The following ZNF469 variants were observed in gnomAD, a reference collection of about 807,000 sequenced individuals.
The protein encoded by ZNF469 is zinc finger protein 469.
Under a neutral mutation model 1.0 loss-of-function variants are expected in ZNF469, and 1 was observed. That is an observed-to-expected ratio of 1.00 (90% CI 0.35 to 4.73). The LOEUF is 4.73. Among genes scored for constraint, ZNF469 ranks in the 30% most tolerant of loss-of-function variants. The probability of loss-of-function intolerance (pLI) is 0.16; values close to 1 mark genes in which losing one functional copy is unlikely to be tolerated. For synonymous variants in ZNF469, 2,703 were observed against 2,363.4 expected, an observed-to-expected ratio of 1.14 and a Z score of -4.17; for missense variants, 6,100 against 5,356.3, an observed-to-expected ratio of 1.14 and a Z score of -4.33.
chr16:88,362,856 C>T, the ZNF469 span, among the ~76,000 whole-genome samples: 1 of 152,128 alleles, frequency 6.6e-6, no homozygotes, highest in Non-Finnish European at 1.5e-5. Context: ...ACATAGCAGA[C>T]CTTTTGATAT....
rs1462112027 is a variant in ZNF469 at position 88,440,463 on chromosome 16, G to C, written c.*1131G>C. 1 of 152,040 alleles carries C rather than the reference G, an allele frequency of 6.6e-6. No homozygotes were observed. Among genetic ancestry groups the C allele is most frequent in the African/African-American group, 2.4e-5 (1 of 41,394 alleles). 9.4% of individuals were successfully genotyped at this position (152,040 alleles called of 1,614,324 possible). ...TCGTGCCTGTGAAGGTGGGTCAAAG[G>C]GTGAGAGGGCTTCCTTCTCACCCTT... On this transcript the variant is annotated 3_prime_UTR_variant, in exon 3 of 3. Coordinates refer to ENST00000565624, the MANE Select transcript of ZNF469 (RefSeq NM_001367624.2).
the ZNF469 span, among the ~76,000 whole-genome samples, chr16:88,338,382 G>A: frequency 1.4e-4 from 21 of 152,178 alleles, no homozygotes; most frequent in Non-Finnish European, 2.8e-4. Flanking sequence ...GGCCACCCCC[G>A]GCTCCTGACT....
the ZNF469 span, among the ~76,000 whole-genome samples, chr16:88,258,396 C>T: frequency 6.6e-6 from 1 of 152,014 alleles, no homozygotes; most frequent in South Asian, 2.1e-4. Context: ...CACAGCTCAG[C>T]AGAGCTGAAT....
At chr16:88,123,317 C>T in the ZNF469 span, among the ~76,000 whole-genome samples, 1 of 152,174 alleles carries the variant, frequency 6.6e-6, no homozygotes, top group African/African-American at 2.4e-5. Flanking sequence ...TTTATCCATG[C>T]AGTGTTGCCT....
chr16:88,225,303 A>T, the ZNF469 span, among the ~76,000 whole-genome samples: 2 of 152,222 alleles, frequency 1.3e-5, no homozygotes, highest in African/African-American at 4.8e-5. Flanking sequence ...ATTCTGGCTG[A>T]ATCCCTGCAT....
At chr16:88,321,906 A>G in the ZNF469 span, among the ~76,000 whole-genome samples, 1 of 152,216 alleles carries the variant, frequency 6.6e-6, no homozygotes, top group South Asian at 2.1e-4. Context: ...GGCAACACCC[A>G]GACAGGTGGG....
chr16:88,357,087 T>G, the ZNF469 span, among the ~76,000 whole-genome samples: 7 of 152,184 alleles, frequency 4.6e-5, no homozygotes, highest in Admixed American at 3.9e-4. Flanking sequence ...AGTTGTACCC[T>G]CTGACCCGGG....
At chr16:88,217,161 G>A in the ZNF469 span, among the ~76,000 whole-genome samples, 3 of 151,790 alleles carry the variant, frequency 2.0e-5, no homozygotes, top group Non-Finnish European at 2.9e-5. Context: ...ATACTAACAC[G>A]GTGAATAAAA....
the ZNF469 span, among the ~76,000 whole-genome samples, chr16:88,366,175 A>G: frequency 2.0e-5 from 3 of 148,418 alleles, no homozygotes; most frequent in African/African-American, 5.0e-5. Flanking sequence ...CATCACCACG[A>G]TCATCATCAC....
At chr16:88,117,607 G>A in the ZNF469 span, among the ~76,000 whole-genome samples, 583 of 148,872 alleles carry the variant, frequency 3.9e-3, 4 homozygotes, top group African/African-American at 0.012. Context: ...TTCGGGGACC[G>A]TGGAGGTGCC....
the ZNF469 span, among the ~76,000 whole-genome samples, chr16:88,167,505 G>A: frequency 5.3e-5 from 8 of 152,176 alleles, no homozygotes; most frequent in African/African-American, 1.4e-4. Flanking sequence ...CTGCTTGACC[G>A]CCACTGCCCC....
chr16:88,240,643 G>T, the ZNF469 span, among the ~76,000 whole-genome samples: 8 of 152,174 alleles, frequency 5.3e-5, no homozygotes, highest in Non-Finnish European at 8.8e-5. Flanking sequence ...AGGCTGGAGA[G>T]TGGGTATCTG....
chr16:88,389,053 A>G (rs1744067766), intron 1 of ZNF469, among the ~76,000 whole-genome samples: 1 of 152,236 alleles, frequency 6.6e-6, no homozygotes, highest in African/African-American at 2.4e-5. Flanking sequence ...GCTCTCCTAC[A>G]GTGTGCGCTT....
intron 1 of ZNF469, among the ~76,000 whole-genome samples, chr16:88,421,048 T>A (rs1034337350): frequency 4.0e-5 from 6 of 150,554 alleles, no homozygotes; most frequent in Non-Finnish European, 8.9e-5. Context: ...AGGGGCAGAT[T>A]GGGGAGAACC....
the ZNF469 span, among the ~76,000 whole-genome samples, chr16:88,297,523 G>A: frequency 6.6e-6 from 1 of 152,166 alleles, no homozygotes; most frequent in African/African-American, 2.4e-5. Flanking sequence ...CACAGCCCAC[G>A]GCACACGGCA....
At chr16:88,115,623 A>G in the ZNF469 span, among the ~76,000 whole-genome samples, 38 of 26,662 alleles carry the variant, frequency 1.4e-3, 1 homozygote, top group Admixed American at 0.013. Context: ...CTAGTTCTGG[A>G]GACCAGAAGG....
upstream of ZNF469, among the ~76,000 whole-genome samples, chr16:88,380,369 A>T (rs985127806): frequency 7.3e-6 from 1 of 136,596 alleles, no homozygotes; most frequent in Admixed American, 7.2e-5. Context: ...ACACACAGAC[A>T]TGCACTCACA....
chr16:88,380,260 C>A (rs1444578319), upstream of ZNF469, among the ~76,000 whole-genome samples: 1 of 148,900 alleles, frequency 6.7e-6, no homozygotes, highest in African/African-American at 2.5e-5. Flanking sequence ...CACTCACACA[C>A]GTGCACTCAC....
the ZNF469 span, among the ~76,000 whole-genome samples, chr16:88,138,581 A>T: frequency 1.4e-4 from 22 of 152,250 alleles, no homozygotes; most frequent in African/African-American, 5.3e-4. Flanking sequence ...GTGTCTGAAT[A>T]AAAGGGACAT....
Sources: gnomAD v4.1 joint callset for allele counts (sites outside exome capture counted in the v4.1 genomes callset) on GRCh38, gnomAD v4.1.1 for gene constraint, MANE v1.5 for transcripts, NCBI Gene and HGNC (gene_info 2026-07-23, HGNC 2026-07-21) for gene names.